The following FBXW10B variants were observed in gnomAD, a reference collection of about 807,000 sequenced individuals.
FBXW10B encodes the protein F-box and WD repeat domain containing 10B, also known as F-box and WD repeat domain containing protein 10B.
the FBXW10B span, among the ~76,000 whole-genome samples, chr17:15,584,328 T>C: frequency 6.6e-6 from 1 of 152,250 alleles, no homozygotes; most frequent in Non-Finnish European, 1.5e-5. Flanking sequence ...ATTATTAAGA[T>C]ATATTGAAAT....
At chr17:15,595,232 C>T in the FBXW10B span, among the ~76,000 whole-genome samples, 3 of 151,980 alleles carry the variant, frequency 2.0e-5, no homozygotes, top group Admixed American at 6.6e-5. Context: ...CCCAGCCACT[C>T]GGGTGGCTGA....
At chr17:15,591,109 CA>C in the FBXW10B span, among the ~76,000 whole-genome samples, 15 of 152,184 alleles carry the variant, frequency 9.9e-5, no homozygotes, top group Non-Finnish European at 1.6e-4. Flanking sequence ...GCCCTTGTCA[CA>C]CTTCCAGGCA....
the FBXW10B span, among the ~76,000 whole-genome samples, chr17:15,581,609 C>A: frequency 6.6e-6 from 1 of 151,082 alleles, no homozygotes; most frequent in South Asian, 2.1e-4. Flanking sequence ...TGAAAGACAA[C>A]TGAAAGTGGA....
At chr17:15,592,287 T>C in the FBXW10B span, among the ~76,000 whole-genome samples, 1 of 133,534 alleles carries the variant, frequency 7.5e-6, no homozygotes, top group Non-Finnish European at 1.6e-5. Context: ...GAGTAAAAAA[T>C]GGCCAGAGTT....
the FBXW10B span, among the ~76,000 whole-genome samples, chr17:15,602,932 G>A: frequency 6.2e-5 from 7 of 113,520 alleles, 1 homozygote; most frequent in Non-Finnish European, 1.0e-4. Context: ...CGGCGAGACC[G>A]AGTTTTGCTC....
At chr17:15,583,255 A>C in the FBXW10B span, among the ~76,000 whole-genome samples, 2 of 115,642 alleles carry the variant, frequency 1.7e-5, no homozygotes, top group East Asian at 3.2e-4. Flanking sequence ...TGGCCTTCTC[A>C]CACGCTGTTC....
At chr17:15,566,426 G>A in the FBXW10B span, 1 of 1,292,584 alleles carries the variant, frequency 7.7e-7, no homozygotes, top group Non-Finnish European at 1.0e-6. Flanking sequence ...TATGCATTAA[G>A]TACTTGGGCA....
chr17:15,604,578 A>G, the FBXW10B span, among the ~76,000 whole-genome samples: 1 of 152,140 alleles, frequency 6.6e-6, no homozygotes, highest in Admixed American at 6.5e-5. Flanking sequence ...TGTGTCGCCC[A>G]GTCTGGAGTG....
At chr17:15,619,543 T>G in the FBXW10B span, 1 of 1,598,304 alleles carries the variant, frequency 6.3e-7, no homozygotes, top group Admixed American at 1.7e-5. Context: ...ATTTTAGCCC[T>G]GCGCACTTGC....
At chr17:15,604,198 C>T in the FBXW10B span, among the ~76,000 whole-genome samples, 1 of 151,764 alleles carries the variant, frequency 6.6e-6, no homozygotes, top group African/African-American at 2.4e-5. Context: ...AAGTTAATTA[C>T]TGCCACCTGC....
the FBXW10B span, among the ~76,000 whole-genome samples, chr17:15,606,321 C>A: frequency 7.1e-6 from 1 of 140,158 alleles, no homozygotes; most frequent in Admixed American, 7.3e-5. Flanking sequence ...ATATGGGGAG[C>A]TTTGAGACCA....
chr17:15,566,256 A>G, the FBXW10B span: 3 of 1,609,942 alleles, frequency 1.9e-6, no homozygotes, highest in South Asian at 1.1e-5. Context: ...GGAATTGGTC[A>G]GGTGACATAG....
At chr17:15,602,904 G>T in the FBXW10B span, among the ~76,000 whole-genome samples, 4 of 121,922 alleles carry the variant, frequency 3.3e-5, 1 homozygote, top group African/African-American at 1.6e-4. Context: ...TGGGATTACA[G>T]GCGTGAGCCA....
At chr17:15,584,958 C>CCTT in the FBXW10B span, among the ~76,000 whole-genome samples, 18 of 132,032 alleles carry the variant, frequency 1.4e-4, no homozygotes, top group Non-Finnish European at 1.9e-4. Flanking sequence ...GAGTAAACAA[C>CCTT]CTTCTTCTTC....
chr17:15,618,174 C>CA, the FBXW10B span, among the ~76,000 whole-genome samples: 39 of 152,076 alleles, frequency 2.6e-4, no homozygotes, highest in Admixed American at 2.4e-3. Context: ...CCAAAAAATA[C>CA]AAAAAAATTA....
chr17:15,581,595 A>G, the FBXW10B span, among the ~76,000 whole-genome samples: 8 of 151,392 alleles, frequency 5.3e-5, no homozygotes, highest in African/African-American at 1.9e-4. Context: ...CAAGAGATAT[A>G]TAATGAAAGA....
the FBXW10B span, among the ~76,000 whole-genome samples, chr17:15,604,335 A>G: frequency 1.3e-5 from 2 of 152,144 alleles, no homozygotes; most frequent in African/African-American, 4.8e-5. Flanking sequence ...CTGGAGATGT[A>G]TAAGAAGGAA....
At chr17:15,585,385 G>C in the FBXW10B span, among the ~76,000 whole-genome samples, 2 of 152,142 alleles carry the variant, frequency 1.3e-5, no homozygotes, top group Non-Finnish European at 2.9e-5. Flanking sequence ...TCAAGGTCAA[G>C]ACACTTTGGT....
the FBXW10B span, among the ~76,000 whole-genome samples, chr17:15,578,713 C>T: frequency 1.3e-5 from 2 of 152,022 alleles, no homozygotes; most frequent in Admixed American, 6.6e-5. Context: ...CTCTGATTTT[C>T]GTAGCTGGGA....
Sources: gnomAD v4.1 joint callset for allele counts (sites outside exome capture counted in the v4.1 genomes callset) on GRCh38, gnomAD v4.1.1 for gene constraint, MANE v1.5 for transcripts, NCBI Gene and HGNC (gene_info 2026-07-23, HGNC 2026-07-21) for gene names.